Variants in DLG2 observed in about 807,000 individuals in gnomAD.
DLG2 encodes the protein discs large MAGUK scaffold protein 2.
A neutral mutation model predicts 132.5 loss-of-function variants in DLG2; 45 were observed. That is an observed-to-expected ratio of 0.34 (90% CI 0.27 to 0.44). The LOEUF is 0.44. DLG2 is among the 20% of genes least tolerant of loss of function. The pLI, the probability that DLG2 is intolerant of heterozygous loss-of-function variation, is 1.00. For missense variants in DLG2, 1,045 were observed against 1,196.9 expected, an observed-to-expected ratio of 0.87 and a Z score of 1.87; for synonymous variants, 424 against 419.6, an observed-to-expected ratio of 1.01 and a Z score of -0.13.
intron 6 of DLG2, among the ~76,000 whole-genome samples, chr11:84,701,464 C>A (rs2059218590): frequency 6.6e-6 from 1 of 151,552 alleles, no homozygotes; most frequent in Admixed American, 6.6e-5. Flanking sequence ...GCCCCTAGCT[C>A]AGAATAGATA....
chr11:84,362,132 C>G (rs2098653287), intron 7 of DLG2, among the ~76,000 whole-genome samples: 1 of 151,766 alleles, frequency 6.6e-6, no homozygotes, highest in African/African-American at 2.4e-5. Flanking sequence ...AAACTAGAAA[C>G]CAAACTTAAA....
intron 6 of DLG2, among the ~76,000 whole-genome samples, chr11:84,653,015 T>A (rs2099683970): frequency 6.7e-6 from 1 of 149,782 alleles, no homozygotes; most frequent in Non-Finnish European, 1.5e-5. Context: ...CACTGCAACC[T>A]CTACCTCCCG....
chr11:83,668,067 G>GT (rs1491487586), intron 18 of DLG2, among the ~76,000 whole-genome samples: 28 of 48,120 alleles, frequency 5.8e-4, no homozygotes, highest in Non-Finnish European at 8.5e-4. Context: ...GGGAAATGAA[G>GT]TAAAAAAAAA....
At position 83,681,010 on chromosome 11, in the gene DLG2, C is replaced by G. The variant is rs546332451; in HGVS notation, c.1826-47685G>C. Among the ~76,000 whole-genome samples the G allele has an allele frequency of 2.4e-4, 36 of 152,222 alleles. No homozygotes were observed. In the Middle Eastern group the frequency reaches 0.01, roughly 43 times the overall value. On this transcript the variant is annotated intron_variant, in intron 18 of 27. Coordinates refer to ENST00000376104, the MANE Select transcript of DLG2 (RefSeq NM_001142699.3). ...AATTACAATAGTGTACAGGTAAACA[C>G]TTTGGACAAACAATTATGGGTTTAG...
chr11:85,190,452 C>T (rs771270891), intron 4 of DLG2, among the ~76,000 whole-genome samples: 4 of 146,292 alleles, frequency 2.7e-5, no homozygotes, highest in African/African-American at 1.0e-4. Flanking sequence ...CCTAAAGGAG[C>T]GAAAAAAAAA....
intron 18 of DLG2, among the ~76,000 whole-genome samples, chr11:83,694,332 A>G (rs1036594004): frequency 3.9e-5 from 6 of 152,212 alleles, no homozygotes; most frequent in Non-Finnish European, 8.8e-5. Flanking sequence ...CAGCATATTA[A>G]GTGCCTAAGA....
chr11:84,133,836 CAAT>C (rs1230247824), intron 9 of DLG2, among the ~76,000 whole-genome samples: 2 of 151,974 alleles, frequency 1.3e-5, no homozygotes, highest in Non-Finnish European at 2.9e-5. Flanking sequence ...AGACAAGGAA[CAAT>C]ATAGGATATC....
chr11:83,485,957 ATAAT>A (rs557501797), intron 21 of DLG2, among the ~76,000 whole-genome samples: 80 of 152,244 alleles, frequency 5.3e-4, no homozygotes, highest in South Asian at 2.3e-3. Context: ...AATGAACCAA[ATAAT>A]TAATAATTTC....
At chr11:84,939,408 C>A (rs1303996922) in intron 6 of DLG2, among the ~76,000 whole-genome samples, 1 of 149,896 alleles carries the variant, frequency 6.7e-6, no homozygotes, top group African/African-American at 2.5e-5. Context: ...TATAAACATT[C>A]CAATTTTACT....
At chr11:84,685,634 G>A (rs1383864254) in intron 6 of DLG2, among the ~76,000 whole-genome samples, 1 of 152,140 alleles carries the variant, frequency 6.6e-6, no homozygotes, top group Non-Finnish European at 1.5e-5. Context: ...CACAGCATGA[G>A]AACATCAGAA....
intron 6 of DLG2, chr11:84,955,693 G>A (rs1434714116): frequency 6.6e-6 from 1 of 152,120 alleles, no homozygotes; most frequent in Non-Finnish European, 1.5e-5. Context: ...CTCAATAAAT[G>A]ATGCTGCCTT....
At chr11:84,111,794 C>CA (rs1469518975) in intron 9 of DLG2, among the ~76,000 whole-genome samples, 1 of 152,152 alleles carries the variant, frequency 6.6e-6, no homozygotes, top group Non-Finnish European at 1.5e-5. Flanking sequence ...TGGGGAACAG[C>CA]ATGAGTACGG....
intron 6 of DLG2, among the ~76,000 whole-genome samples, chr11:84,912,166 T>TA (rs1235444111): frequency 6.6e-6 from 1 of 152,162 alleles, no homozygotes. Context: ...TTTATTTATT[T>TA]TAAGACGGAG....
intron 6 of DLG2, among the ~76,000 whole-genome samples, chr11:84,642,094 TGTGTGTGTGTGTGTATATGTAGA>T (rs1207185010): frequency 3.1e-5 from 4 of 127,914 alleles, no homozygotes; most frequent in Non-Finnish European, 6.5e-5. Flanking sequence ...ATATGTAGAG[TGTGTGTGTGTGTGTATATGTAGA>T]GTGTGTGTGT....
intron 3 of DLG2, among the ~76,000 whole-genome samples, chr11:85,549,463 G>A (rs149562676): frequency 4.6e-5 from 7 of 152,178 alleles, no homozygotes; most frequent in East Asian, 1.9e-4. Context: ...TATACTTTTC[G>A]ATAATGTCTA....
At chr11:85,275,651 C>T (rs2077841908) in intron 4 of DLG2, among the ~76,000 whole-genome samples, 1 of 151,666 alleles carries the variant, frequency 6.6e-6, no homozygotes, top group Admixed American at 6.6e-5. Flanking sequence ...AATATTCTGC[C>T]CTGTATAGAA....
intron 3 of DLG2, among the ~76,000 whole-genome samples, chr11:85,596,944 T>C (rs1338861450): frequency 6.6e-6 from 1 of 152,228 alleles, no homozygotes; most frequent in Admixed American, 6.5e-5. Flanking sequence ...CTCTGGTTTA[T>C]CCTAAAATGA....
At chr11:85,585,238 G>A (rs143474739) in intron 3 of DLG2, among the ~76,000 whole-genome samples, 3 of 152,170 alleles carry the variant, frequency 2.0e-5, no homozygotes, top group Admixed American at 2.0e-4. Flanking sequence ...GATTATCCCA[G>A]AACCATTTGT....
At chr11:84,430,852 C>T (rs1324230505) in intron 7 of DLG2, among the ~76,000 whole-genome samples, 1 of 152,190 alleles carries the variant, frequency 6.6e-6, no homozygotes, top group Non-Finnish European at 1.5e-5. Flanking sequence ...AAACACCTGT[C>T]CTCTCTGTCA....
Sources: gnomAD v4.1 joint callset for allele counts (sites outside exome capture counted in the v4.1 genomes callset) on GRCh38, gnomAD v4.1.1 for gene constraint, MANE v1.5 for transcripts, NCBI Gene and HGNC (gene_info 2026-07-23, HGNC 2026-07-21) for gene names.